The following VENTX variants were observed in gnomAD, a reference collection of about 807,000 sequenced individuals.
VENTX encodes the protein homeobox protein VENTX.
Under a neutral mutation model 10.5 loss-of-function variants are expected in VENTX, and 13 were observed. The observed-to-expected ratio is 1.23, with a 90% CI of 0.80 to 1.96. VENTX has a LOEUF of 1.96. Ranked by LOEUF, VENTX falls within the 30% of genes most tolerant of loss-of-function variation. The pLI is 0.00. For missense variants in VENTX, 400 were observed against 341.8 expected, an observed-to-expected ratio of 1.17 and a Z score of -1.34; for synonymous variants, 177 against 150.4, an observed-to-expected ratio of 1.18 and a Z score of -1.29.
chr10:133,239,637 G>T (rs375714225), intron 1 of VENTX, 39 bp from the exon 2 acceptor site: 15 of 1,607,666 alleles, frequency 9.3e-6, no homozygotes, highest in Non-Finnish European at 1.0e-5. Context: ...GCCCCATGGG[G>T]TGGCATGTTG....
Position 133,240,404 on chromosome 10 carries a change from T to C in VENTX, c.*98T>C. 7.1e-7 allele frequency: 1 copy of C among 1,413,506 alleles called. No individual in the cohort carries two copies. The highest frequency in any genetic ancestry group is 9.3e-7 in the Non-Finnish European group (1 of 1,075,330). The allele number at this position is 1,413,506 out of a possible 1,614,324, so 87.6% of individuals were successfully genotyped here. ...TCTGTTTACATCCTGGTGGCACCTC[T>C]CACCCTGACCCACACAAAGGTTCTG... On this transcript the variant is annotated 3_prime_UTR_variant, in exon 3 of 3. Coordinates refer to ENST00000325980, the MANE Select transcript of VENTX (RefSeq NM_014468.4).
rs556159632 is a variant in VENTX at position 133,239,657 on chromosome 10, C to T, written c.242-19C>T. The stretch of plus-strand genomic sequence containing the variant: ...ATGGGGTGGCATGTTGAGCCAAATG[C>T]CCTTACCCTCTATGTCAGGGTTGAG... On this transcript the variant is annotated intron_variant, in intron 1 of 2. Coordinates refer to ENST00000325980, the MANE Select transcript of VENTX (RefSeq NM_014468.4). 2.5e-6 allele frequency: 4 copies of T among 1,610,722 alleles called. No homozygotes were observed. Among genetic ancestry groups the T allele is most frequent in the Non-Finnish European group, 3.4e-6 (4 of 1,179,894 alleles).
intron 1 of VENTX, among the ~76,000 whole-genome samples, chr10:133,239,402 C>T (rs576039161): frequency 6.6e-6 from 1 of 152,340 alleles, no homozygotes; most frequent in South Asian, 2.1e-4. Context: ...GAACCGGCTT[C>T]TGGAAGGGAA....
Position 133,240,000 on chromosome 10 carries a change from C to A in VENTX, c.471C>A (p.Ser157Arg). 1 of 1,612,324 alleles carries A rather than the reference C, an allele frequency of 6.2e-7. No individual in the cohort carries two copies. The highest frequency in any genetic ancestry group is 1.7e-5 in the Admixed American group (1 of 60,014). The change falls in exon 3 of 3, where the codon AGC becomes AGA. Residue 157 changes from serine (S) to arginine (R), a missense_variant. By Grantham distance (110) the Ser-to-Arg change is moderately radical. Transcript: ENST00000325980. Reference sequence around the variant, plus strand: ...AAATGCAGGACCCCCAGCTGCACAGCCCCTTCTCGGGGTCTCTCCATGCGC... The same window carrying A: ...AAATGCAGGACCCCCAGCTGCACAGACCCTTCTCGGGGTCTCTCCATGCGC... ...KRQMQDPQLH[S>R]PFSGSLHAPP...
intron 1 of VENTX, 135 bp downstream of exon 1, chr10:133,238,290 G>T: frequency 8.4e-7 from 1 of 1,184,938 alleles, no homozygotes; most frequent in Non-Finnish European, 1.1e-6. Context: ...CATGAGGGCC[G>T]GCGGAGGCCT....
At chr10:133,239,551 A>C in intron 1 of VENTX, 125 bp from the exon 2 acceptor site, 2 of 1,184,730 alleles carry the variant, frequency 1.7e-6, no homozygotes, top group Non-Finnish European at 2.3e-6. Flanking sequence ...GCTGCTGGTC[A>C]CTGTCAGGTG....
At chr10:133,238,764 A>G (rs1845889285) in intron 1 of VENTX, among the ~76,000 whole-genome samples, 1 of 152,244 alleles carries the variant, frequency 6.6e-6, no homozygotes, top group Non-Finnish European at 1.5e-5. Context: ...TTGTGACATC[A>G]TCACCACTTT....
At position 133,240,035 on chromosome 10, in the gene VENTX, T is replaced by C. The variant is rs777332130; in HGVS notation, c.506T>C (p.Phe169Ser). 4.3e-6 allele frequency: 7 copies of C among 1,611,924 alleles called. No individual in the cohort carries two copies. Among genetic ancestry groups the C allele is most frequent in the Non-Finnish European group, 5.9e-6 (7 of 1,180,020 alleles). ...FSGSLHAPPA[F>S]YSTSSGLANG... ...GGGTCTCTCCATGCGCCCCCAGCTTTCTACTCAACGTCTTCTGGCCTTGCC... is the reference window on the plus strand; with the variant it reads ...GGGTCTCTCCATGCGCCCCCAGCTTCCTACTCAACGTCTTCTGGCCTTGCC... Residue 169 changes from phenylalanine (F) to serine (S), a missense_variant, in exon 3 of 3, where the codon TTC becomes TCC. Transcript: ENST00000325980.
chr10:133,240,018 C>T lies in VENTX; in HGVS notation c.489C>T (p.Leu163=), dbSNP rs766841045. 1.9e-6 allele frequency: 3 copies of T among 1,612,130 alleles called. No homozygotes were observed. The highest frequency in any genetic ancestry group is 1.1e-5 in the South Asian group (1 of 91,018). The change falls in exon 3 of 3, where the codon CTC becomes CTT. Residue 163 remains leucine (L), a synonymous_variant. Transcript: ENST00000325980. ...PQLHSPFSGS[L]HAPPAFYSTS... ...TGCACAGCCCCTTCTCGGGGTCTCT[C>T]CATGCGCCCCCAGCTTTCTACTCAA...
chr10:133,240,522 G>GTGTGTA lies in VENTX; in HGVS notation c.*219_*220insGTATGT. The GTGTGTA allele has an allele frequency of 1.8e-5, 1 of 55,368 alleles. No individual in the cohort carries two copies. Among genetic ancestry groups the GTGTGTA allele is most frequent in the African/African-American group, 1.4e-4 (1 of 7,140 alleles). The allele number at this position is 55,368 out of a possible 1,614,324, so 3.4% of individuals were successfully genotyped here. On this transcript the variant is annotated 3_prime_UTR_variant, in exon 3 of 3. Transcript: ENST00000325980. ...TATAAATATATATATACATATGTGT[G>GTGTGTA]TGTATATATATATATATTTTTTTTT...
Position 133,240,454 on chromosome 10 carries a change from A to T in VENTX, c.*148A>T. On this transcript the variant is annotated 3_prime_UTR_variant, in exon 3 of 3. Coordinates refer to ENST00000325980, the MANE Select transcript of VENTX (RefSeq NM_014468.4). ...GGAGATTACTGGAGAATATATATAAATATATATATGTACGTATATATGTAA... is the reference window on the plus strand; with the variant it reads ...GGAGATTACTGGAGAATATATATAATTATATATATGTACGTATATATGTAA... 1.2e-5 allele frequency: 7 copies of T among 601,700 alleles called. No individual in the cohort carries two copies. Among genetic ancestry groups the T allele is most frequent in the Non-Finnish European group, 1.5e-5 (6 of 403,164 alleles). 37.3% of individuals were successfully genotyped at this position (601,700 alleles called of 1,614,324 possible). A position where few individuals can be genotyped will look rare whatever the true frequency, so the allele number is the denominator to read the frequency against.
chr10:133,238,305 G>A (rs1051461302), intron 1 of VENTX, 150 bp downstream of exon 1: 3 of 1,074,150 alleles, frequency 2.8e-6, no homozygotes, highest in Non-Finnish European at 3.8e-6. Flanking sequence ...AGGCCTTGCC[G>A]GCGCCCTCAC....
intron 1 of VENTX, among the ~76,000 whole-genome samples, chr10:133,239,185 C>T (rs1215722159): frequency 1.3e-5 from 2 of 152,192 alleles, no homozygotes; most frequent in Non-Finnish European, 2.9e-5. Flanking sequence ...CTCGTGGGGC[C>T]GTTTGGTGCC....
chr10:133,238,045 G>A lies in VENTX; in HGVS notation c.131G>A (p.Ser44Asn), dbSNP rs1464885949. 1.9e-6 allele frequency: 3 copies of A among 1,599,960 alleles called. No individual in the cohort carries two copies. Among genetic ancestry groups the A allele is most frequent in the South Asian group, 1.1e-5 (1 of 89,162 alleles). Reference protein sequence around the residue: ...TPRPADFSLGSLPGPGQTSGA... With the variant: ...TPRPADFSLGNLPGPGQTSGA... ...AGGCCTGCCGACTTCTCCCTGGGGA[G>A]CCTCCCTGGCCCAGGCCAGACATCC... The change falls in exon 1 of 3, where the codon AGC (serine) becomes AAC (asparagine). Residue 44 changes from serine to asparagine, a missense_variant. By Grantham distance (46) the Ser-to-Asn change is conservative. Coordinates refer to ENST00000325980, the MANE Select transcript of VENTX (RefSeq NM_014468.4).
In VENTX at chr10:133,240,208, T is replaced by A. The variant is rs753210901; in HGVS notation, c.679T>A (p.Ser227Thr). Residue 227 changes from serine (S) to threonine (T), a missense_variant, in exon 3 of 3, where the codon TCC (serine) becomes ACC (threonine). By Grantham distance (58) the Ser-to-Thr change is moderately conservative. Transcript: ENST00000325980. ...GASCCGQPLASHPPTPGRPSL... is the reference protein window; with the variant it reads ...GASCCGQPLATHPPTPGRPSL... ...TTCCTGCTGCGGGCAGCCTCTGGCG[T>A]CCCACCCCCCTACCCCAGGCCGGCC... is the stretch of plus-strand genomic sequence containing the variant. 93 of 1,610,620 alleles carry A rather than the reference T, an allele frequency of 5.8e-5. No individual in the cohort carries two copies. The highest frequency in any genetic ancestry group is 7.8e-5 in the Non-Finnish European group (92 of 1,179,690).
Position 133,240,357 on chromosome 10 carries a change from C to A in VENTX, c.*51C>A. ...GCGGTCTTGCTGATCGCACCTGGCT[C>A]CTACCTGGAGGACTCAGTTGTTCTG... On this transcript the variant is annotated 3_prime_UTR_variant, in exon 3 of 3. Transcript: ENST00000325980. 6.6e-7 allele frequency: 1 copy of A among 1,520,968 alleles called. No homozygotes were observed. Among genetic ancestry groups the A allele is most frequent in the South Asian group, 1.3e-5 (1 of 77,208 alleles). The allele number at this position is 1,520,968 out of a possible 1,614,324, so 94.2% of individuals were successfully genotyped here.
chr10:133,240,300 AT>A lies in VENTX; in HGVS notation c.775del (p.Ter259GlufsTer36), dbSNP rs1845915491. 6.3e-7 allele frequency: 1 copy of A among 1,576,962 alleles called. No homozygotes were observed. Among genetic ancestry groups the A allele is most frequent in the Non-Finnish European group, 8.6e-7 (1 of 1,159,416 alleles). On this transcript the variant is annotated frameshift_variant, in exon 3 of 3. Transcript: ENST00000325980. LOFTEE classifies it high-confidence loss of function. ...LCAMPQTGDA[F>X] ...GTGCTATGCCACAGACGGGGGATGC[AT>A]TTTGAGGAGGCACCTCTGACTCCCA...
chr10:133,240,491 C>T lies in VENTX; in HGVS notation c.*185C>T, dbSNP rs528730753. ...ACGTATATATGTAAATACACATATA[C>T]GTATATATAAATATATATATACATA... On this transcript the variant is annotated 3_prime_UTR_variant, in exon 3 of 3. Transcript: ENST00000325980. The T allele has an allele frequency of 8.8e-4, 192 of 218,184 alleles. 2 individuals are homozygous for T. In the East Asian group the frequency reaches 9.9e-3, roughly 11 times the overall value. The allele number at this position is 218,184 out of a possible 1,614,324, so 13.5% of individuals were successfully genotyped here.
chr10:133,239,797 G>A lies in VENTX; in HGVS notation c.363G>A (p.Arg121=), dbSNP rs1418073180. 4 of 1,591,228 alleles carry A rather than the reference G, an allele frequency of 2.5e-6. No individual in the cohort carries two copies. The highest frequency in any genetic ancestry group is 4.6e-5 in the East Asian group (2 of 43,548). ...ACCAGTACCTGAGCCCTCTGGAGCG[G>A]AAGAGGCTGGCCAGGGAGATGCAGC... is the stretch of plus-strand genomic sequence containing the variant. ...QHHQYLSPLE[R]KRLAREMQLS... Residue 121 remains arginine, a synonymous_variant, in exon 2 of 3, where the codon CGG becomes CGA. Transcript: ENST00000325980.
Sources: gnomAD v4.1 joint callset for allele counts (sites outside exome capture counted in the v4.1 genomes callset) on GRCh38, gnomAD v4.1.1 for gene constraint, MANE v1.5 for transcripts, NCBI Gene and HGNC (gene_info 2026-07-23, HGNC 2026-07-21) for gene names.